The following PKD1L3 variants were observed in gnomAD, a reference collection of about 807,000 sequenced individuals.
PKD1L3 encodes the protein polycystin-1-like protein 3.
A neutral mutation model predicts 184.1 loss-of-function variants in PKD1L3; 239 were observed. The observed-to-expected ratio is 1.30, with a 90% CI of 1.17 to 1.45. PKD1L3 has a LOEUF of 1.45. Ranked by LOEUF, PKD1L3 falls within the 40% of genes most tolerant of loss-of-function variation. The pLI, the probability that PKD1L3 is intolerant of heterozygous loss-of-function variation, is 0.00. For synonymous variants in PKD1L3, 996 were observed against 778.8 expected, an observed-to-expected ratio of 1.28 and a Z score of -4.64; for missense variants, 2,660 against 2,067.2, an observed-to-expected ratio of 1.29 and a Z score of -5.56.
chr16:71,946,086 G>A (rs528329060), intron 22 of PKD1L3, among the ~76,000 whole-genome samples: 5 of 152,238 alleles, frequency 3.3e-5, no homozygotes, highest in African/African-American at 4.8e-5. Flanking sequence ...AGCCTCCCAC[G>A]TAGCTGGGAT....
chr16:71,967,766 A>T, intron 14 of PKD1L3, 140 bp downstream of exon 14: 1 of 742,746 alleles, frequency 1.3e-6, no homozygotes, highest in Non-Finnish European at 2.2e-6. Context: ...TGTGCGGCCC[A>T]CATGTACAGT....
chr16:71,978,795 C>T (rs1464718028), intron 9 of PKD1L3, among the ~76,000 whole-genome samples: 1 of 151,986 alleles, frequency 6.6e-6, no homozygotes, highest in Non-Finnish European at 1.5e-5. Flanking sequence ...CTGCCTCAGC[C>T]TCCCAAAGTG....
In PKD1L3 at chr16:71,967,915, T is replaced by C. The variant is rs2039562042; in HGVS notation, c.2277A>G (p.Thr759=). 1 of 1,550,038 alleles carries C rather than the reference T, an allele frequency of 6.5e-7. No homozygotes were observed. The change falls in exon 14 of 30, where the codon ACA becomes ACG. Residue 759 remains threonine, a synonymous_variant. Transcript: ENST00000620267. ...VYTGYRRSAA[T]TAKVVITLYG... is the part of the protein sequence containing the mutation. ...CATTTATTTCATTAACCTTAGCTGT[T>C]GTAGCAGCGCTTCTTCGATATCCGG...
intron 28 of PKD1L3, 23 bp downstream of exon 28, chr16:71,933,397 A>T: frequency 1.3e-6 from 2 of 1,496,920 alleles, no homozygotes; most frequent in Non-Finnish European, 1.8e-6. Flanking sequence ...GAATTCTGTG[A>T]GGAAACAAAT....
intron 5 of PKD1L3, 47 bp downstream of exon 5, chr16:71,986,174 T>C (rs1466285853): frequency 1.9e-6 from 3 of 1,543,696 alleles, no homozygotes; most frequent in African/African-American, 1.4e-5. Context: ...ACCAAGTACT[T>C]TTTGGGGGTC....
chr16:71,963,515 T>C (rs60162344), intron 15 of PKD1L3, among the ~76,000 whole-genome samples, 164 bp from the exon 16 acceptor site: 1 of 152,314 alleles, frequency 6.6e-6, no homozygotes, highest in East Asian at 1.9e-4. Context: ...GACATGGTGA[T>C]GCACACCTAC....
intron 5 of PKD1L3, among the ~76,000 whole-genome samples, chr16:71,984,958 A>G (rs979737748): frequency 6.6e-6 from 1 of 152,144 alleles, no homozygotes; most frequent in African/African-American, 2.4e-5. Flanking sequence ...GACTGAGCAA[A>G]TGGCCGCGGT....
At chr16:71,990,369 C>T (rs377048305) in intron 3 of PKD1L3, 40 bp from the exon 4 acceptor site, 1 of 1,469,332 alleles carries the variant, frequency 6.8e-7, no homozygotes, top group South Asian at 1.2e-5. Context: ...AAGTAAAAGC[C>T]TAAGACAGAA....
chr16:71,945,303 TATAC>T (rs1194674285), intron 22 of PKD1L3, among the ~76,000 whole-genome samples: 871 of 51,060 alleles, frequency 0.017, 4 homozygotes, highest in Admixed American at 0.021. Flanking sequence ...TATATATATA[TATAC>T]ACACACACAC....
Position 71,943,043 on chromosome 16 carries a change from A to G in PKD1L3, c.3860-19T>C. 6.6e-7 allele frequency: 1 copy of G among 1,508,664 alleles called. No homozygotes were observed. The highest frequency in any genetic ancestry group is 9.0e-7 in the Non-Finnish European group (1 of 1,112,656). The allele number at this position is 1,508,664 out of a possible 1,614,324, so 93.5% of individuals were successfully genotyped here. Reference sequence around the variant, plus strand: ...ATTTGTACTTGTTTAGAAGAGGAAAAAAATGTCATAGTTGAGTGGTTAACT... The same window carrying G: ...ATTTGTACTTGTTTAGAAGAGGAAAGAAATGTCATAGTTGAGTGGTTAACT... On this transcript the variant is annotated intron_variant, in intron 23 of 29. Transcript: ENST00000620267.
At chr16:71,982,577 G>A (rs781743704) in intron 6 of PKD1L3, among the ~76,000 whole-genome samples, 2 of 150,408 alleles carry the variant, frequency 1.3e-5, no homozygotes, top group East Asian at 2.0e-4. Context: ...GAGCCACCAC[G>A]CCCAGCCTAT....
Position 71,937,405 on chromosome 16 carries a change from A to C in PKD1L3, c.4339T>G (p.Ser1447Ala), listed in dbSNP as rs2038217752. The change falls in exon 25 of 30, where the codon TCT becomes GCT. Residue 1447 changes from serine (S) to alanine (A), a missense_variant. Physicochemically the swap from Ser to Ala is moderately conservative, Grantham distance 99. Transcript: ENST00000620267. ...SYIMRGAFFT[S>A]LRLESFTSLQ... The stretch of plus-strand genomic sequence containing the variant: ...GAAGTGAAGCTTTCCAGTCTCAAAG[A>C]GGTGAAGAAAGCACCTGAGAATAAC... 1 of 1,551,472 alleles carries C rather than the reference A, an allele frequency of 6.4e-7. No individual in the cohort carries two copies. The highest frequency in any genetic ancestry group is 8.7e-7 in the Non-Finnish European group (1 of 1,146,956).
chr16:71,989,934 G>T (rs962336305), intron 4 of PKD1L3, among the ~76,000 whole-genome samples: 1 of 151,928 alleles, frequency 6.6e-6, no homozygotes, highest in African/African-American at 2.4e-5. Flanking sequence ...AATTAGCTGG[G>T]TGTGGTGGCG....
At position 71,967,953 on chromosome 16, in the gene PKD1L3, T is replaced by C; in HGVS notation, c.2239A>G (p.Ile747Val). The C allele has an allele frequency of 6.4e-7, 1 of 1,551,624 alleles. No individual in the cohort carries two copies. Among genetic ancestry groups the C allele is most frequent in the Non-Finnish European group, 8.7e-7 (1 of 1,146,914 alleles). ...CTTCGATATCCGGTGTAGACCTGAATAAGGTAGTGAAATTGAGCGCTGGGG... is the reference window on the plus strand; with the variant it reads ...CTTCGATATCCGGTGTAGACCTGAACAAGGTAGTGAAATTGAGCGCTGGGG... The part of the protein sequence containing the change: ...NDPSAQFHYL[I>V]QVYTGYRRSA... The change falls in exon 14 of 30, where the codon ATT (isoleucine) becomes GTT (valine). Residue 747 changes from isoleucine to valine, a missense_variant. By Grantham distance (29) the Ile-to-Val change is conservative (BLOSUM62 3). Transcript: ENST00000620267.
chr16:71,964,887 C>T (rs2039440296), intron 15 of PKD1L3, among the ~76,000 whole-genome samples: 2 of 147,430 alleles, frequency 1.4e-5, no homozygotes, highest in Non-Finnish European at 3.0e-5. Context: ...TGCTCTGTTG[C>T]CCAGGCTGGA....
chr16:71,945,805 G>C (rs967201491), intron 22 of PKD1L3, among the ~76,000 whole-genome samples: 3 of 152,092 alleles, frequency 2.0e-5, no homozygotes, highest in African/African-American at 7.2e-5. Flanking sequence ...CAGAGAAGGC[G>C]CCACAGAGGA....
chr16:71,998,998 G>A (rs879906519), intron 1 of PKD1L3, among the ~76,000 whole-genome samples: 5 of 152,050 alleles, frequency 3.3e-5, no homozygotes, highest in African/African-American at 9.7e-5. Context: ...AGGGCCGGGC[G>A]CGGTGGCTCA....
chr16:71,987,081 T>C (rs765020868), intron 4 of PKD1L3, among the ~76,000 whole-genome samples: 3 of 150,920 alleles, frequency 2.0e-5, no homozygotes, highest in African/African-American at 4.9e-5. Flanking sequence ...TGCACCACCA[T>C]GCCCGGCTAA....
Position 71,944,174 on chromosome 16 carries a change from T to C in PKD1L3, c.3719-4A>G. Reference sequence around the variant, plus strand: ...GGTACTGACGAAGAACATTTTGCTGTCAAAAATTCAAATATAGACCAAAGA... The same window carrying C: ...GGTACTGACGAAGAACATTTTGCTGCCAAAAATTCAAATATAGACCAAAGA... On this transcript the variant is annotated splice_polypyrimidine_tract_variant and splice_region_variant and intron_variant, in intron 22 of 29. Coordinates refer to ENST00000620267, the MANE Select transcript of PKD1L3 (RefSeq NM_181536.2). The C allele has an allele frequency of 6.5e-7, 1 of 1,546,476 alleles. No individual in the cohort carries two copies. The highest frequency in any genetic ancestry group is 8.7e-7 in the Non-Finnish European group (1 of 1,143,628).
Sources: gnomAD v4.1 joint callset for allele counts (sites outside exome capture counted in the v4.1 genomes callset) on GRCh38, gnomAD v4.1.1 for gene constraint, MANE v1.5 for transcripts, NCBI Gene and HGNC (gene_info 2026-07-23, HGNC 2026-07-21) for gene names.